Variants in CRHR1 observed in about 807,000 individuals in gnomAD.
CRHR1 encodes corticotropin-releasing hormone receptor 1.
In CRHR1, 28 loss-of-function variants were observed where a neutral mutation model predicts 56.0. That is an observed-to-expected ratio of 0.50 (90% CI 0.37 to 0.69). CRHR1 has a LOEUF of 0.69. CRHR1 is among the 30% of genes least tolerant of loss of function. CRHR1 has a pLI of 0.00. For synonymous variants in CRHR1, 195 were observed against 216.5 expected (o/e 0.90, Z 0.87); for missense variants, 376 against 548.0 (o/e 0.69, Z 3.13).
chr17:45,814,645 C>T (rs527675238), intron 2 of CRHR1, among the ~76,000 whole-genome samples: 1 of 152,288 alleles, frequency 6.6e-6, no homozygotes, highest in South Asian at 2.1e-4. Context: ...CCCCCCAAGT[C>T]CCTGTCCCCG....
intron 7 of CRHR1, 63 bp downstream of exon 7, chr17:45,830,633 A>C (rs2062283716): frequency 1.3e-6 from 2 of 1,546,096 alleles, no homozygotes; most frequent in Non-Finnish European, 1.7e-6. Context: ...CCTCTCCTCC[A>C]GACTCAGGCC....
intron 1 of CRHR1, among the ~76,000 whole-genome samples, chr17:45,804,733 G>T (rs1287126339): frequency 1.3e-5 from 2 of 152,120 alleles, no homozygotes; most frequent in Non-Finnish European, 2.9e-5. Context: ...ATGGCGTCTG[G>T]CTTGGGAAGA....
Position 45,785,474 on chromosome 17 carries a change from G to A in CRHR1, c.33+897G>A, listed in dbSNP as rs545547175. Reference sequence around the variant, plus strand: ...GCCCGCTGCAGCCGGCCGGAGAGGCGGGTGGGCCTCTGCGCTGCTGCCGGG... The same window carrying A: ...GCCCGCTGCAGCCGGCCGGAGAGGCAGGTGGGCCTCTGCGCTGCTGCCGGG... On this transcript the variant is annotated intron_variant, in intron 1 of 12. Coordinates refer to ENST00000314537, the MANE Select transcript of CRHR1 (RefSeq NM_004382.5). 3.1e-3 allele frequency among the ~76,000 whole-genome samples: 469 copies of A among 152,350 alleles called. 3 individuals are homozygous for A. Among genetic ancestry groups the A allele is most frequent in the African/African-American group, 0.011 (448 of 41,584 alleles).
At chr17:45,823,213 C>G (rs962843792) in intron 4 of CRHR1, among the ~76,000 whole-genome samples, 1 of 151,712 alleles carries the variant, frequency 6.6e-6, no homozygotes, top group Non-Finnish European at 1.5e-5. Flanking sequence ...ACACCCAACA[C>G]CTAAGAAATC....
rs1247328482 is a variant in CRHR1 at position 45,830,904 on chromosome 17, C to T, written c.734C>T (p.Ala245Val). The T allele has an allele frequency of 6.2e-7, 1 of 1,613,950 alleles. No homozygotes were observed. Among genetic ancestry groups the T allele is most frequent in the Non-Finnish European group, 8.5e-7 (1 of 1,179,936 alleles). Residue 245 changes from alanine (A) to valine (V), a missense_variant, in exon 8 of 13, where the codon GCC becomes GTC. Physicochemically the swap from Ala to Val is moderately conservative, Grantham distance 64. Coordinates refer to ENST00000314537, the MANE Select transcript of CRHR1 (RefSeq NM_004382.5). The stretch of plus-strand genomic sequence containing the variant: ...GGTGTGCCCTTCCCCATCATTGTGG[C>T]CTGGGCCATTGGGAAGCTGTACTAC... ...GWGVPFPIIV[A>V]WAIGKLYYDN...
At chr17:45,810,014 T>C (rs908558429) in intron 2 of CRHR1, among the ~76,000 whole-genome samples, 1 of 152,202 alleles carries the variant, frequency 6.6e-6, no homozygotes, top group Non-Finnish European at 1.5e-5. Context: ...GCACGGTGGC[T>C]CACGCCTGTA....
Position 45,830,704 on chromosome 17 carries a change from C to A in CRHR1, c.709+134C>A. ...TGGGGCGGTAAGGTGTGCACGATAG[C>A]CCTCTGCTCCTCTTGGGGGTGGGCG... On this transcript the variant is annotated intron_variant, in intron 7 of 12. Transcript: ENST00000314537. 3.2e-6 allele frequency: 4 copies of A among 1,249,282 alleles called. No individual in the cohort carries two copies. In the South Asian group the frequency reaches 4.3e-5, roughly 14 times the overall value. The allele number at this position is 1,249,282 out of a possible 1,614,324, so 77.4% of individuals were successfully genotyped here.
At chr17:45,822,258 G>C (rs978724131) in intron 4 of CRHR1, among the ~76,000 whole-genome samples, 1 of 152,158 alleles carries the variant, frequency 6.6e-6, no homozygotes, top group Non-Finnish European at 1.5e-5. Context: ...ATTTAAACCA[G>C]TCTTTATTCT....
chr17:45,832,208 G>T (rs2062328871), intron 8 of CRHR1, among the ~76,000 whole-genome samples: 1 of 152,160 alleles, frequency 6.6e-6, no homozygotes, highest in South Asian at 2.1e-4. Flanking sequence ...CTCCAGCCTG[G>T]GCAACAGAGT....
intron 1 of CRHR1, among the ~76,000 whole-genome samples, chr17:45,798,520 C>T (rs1289173184): frequency 8.6e-5 from 11 of 127,894 alleles, no homozygotes; most frequent in African/African-American, 1.8e-4. Flanking sequence ...GGCGAGACTC[C>T]GTCTCGGGAA....
intron 1 of CRHR1, among the ~76,000 whole-genome samples, chr17:45,796,344 C>T (rs905498434): frequency 1.3e-5 from 2 of 152,088 alleles, no homozygotes; most frequent in African/African-American, 4.8e-5. Context: ...CAGAGCCCTT[C>T]CTGAGTCCCA....
At chr17:45,792,158 G>A (rs1039869509) in intron 1 of CRHR1, among the ~76,000 whole-genome samples, 6 of 152,082 alleles carry the variant, frequency 3.9e-5, no homozygotes, top group African/African-American at 9.7e-5. Context: ...CTGGGAGCCC[G>A]AGAGACTCAG....
At chr17:45,815,429 C>T (rs2061907839) in intron 2 of CRHR1, among the ~76,000 whole-genome samples, 2 of 152,216 alleles carry the variant, frequency 1.3e-5, no homozygotes, top group Admixed American at 6.5e-5. Flanking sequence ...CGCGTGCTCT[C>T]TCTCTCTCCT....
Position 45,818,674 on chromosome 17 carries a change from G to A in CRHR1, c.241+2092G>A, listed in dbSNP as rs76161415. On this transcript the variant is annotated intron_variant, in intron 3 of 12. Coordinates refer to ENST00000314537, the MANE Select transcript of CRHR1 (RefSeq NM_004382.5). ...AGACCCCTTTCCAGGTGCCTCCAGC[G>A]CCAGATGAGGTGGAGCACGCCCGTG... 6.1e-3 allele frequency among the ~76,000 whole-genome samples: 932 copies of A among 152,256 alleles called. 9 individuals carry two copies. Among genetic ancestry groups the A allele is most frequent in the African/African-American group, 0.021 (857 of 41,544 alleles).
At chr17:45,797,520 C>T (rs1000114237) in intron 1 of CRHR1, among the ~76,000 whole-genome samples, 6 of 151,916 alleles carry the variant, frequency 3.9e-5, no homozygotes, top group African/African-American at 9.7e-5. Flanking sequence ...CCTCATGATC[C>T]GCCCACCTCG....
intron 1 of CRHR1, among the ~76,000 whole-genome samples, chr17:45,788,429 GA>G (rs2061371936): frequency 6.6e-6 from 1 of 152,204 alleles, no homozygotes; most frequent in South Asian, 2.1e-4. Flanking sequence ...CACATAGAAA[GA>G]GGGGGGTGCC....
At chr17:45,819,332 G>T (rs2061992359) in intron 3 of CRHR1, among the ~76,000 whole-genome samples, 1 of 152,208 alleles carries the variant, frequency 6.6e-6, no homozygotes, top group Admixed American at 6.5e-5. Context: ...TTTGCCCAAG[G>T]TCACACAGCT....
chr17:45,797,908 C>T (rs891546295), intron 1 of CRHR1, among the ~76,000 whole-genome samples: 5 of 152,166 alleles, frequency 3.3e-5, no homozygotes, highest in Admixed American at 1.3e-4. Flanking sequence ...TCTACCATCA[C>T]GGAGCAAGTT....
intron 1 of CRHR1, among the ~76,000 whole-genome samples, chr17:45,789,570 G>T (rs764270938): frequency 3.3e-5 from 5 of 151,686 alleles, no homozygotes; most frequent in Admixed American, 2.0e-4. Context: ...CGGTCTTGCC[G>T]TATTGCCCAG....
Sources: gnomAD v4.1 joint callset for allele counts (sites outside exome capture counted in the v4.1 genomes callset) on GRCh38, gnomAD v4.1.1 for gene constraint, MANE v1.5 for transcripts, NCBI Gene and HGNC (gene_info 2026-07-23, HGNC 2026-07-21) for gene names.